Variants in ZGRF1 observed in about 807,000 individuals in gnomAD.
The protein encoded by ZGRF1 is 5'-3' DNA helicase ZGRF1.
ZGRF1 carries 196 observed loss-of-function variants against 203.5 expected under a neutral mutation model. The ratio of observed to expected loss-of-function variants is 0.96; its 90% CI spans 0.86 to 1.08. The LOEUF (loss-of-function observed/expected upper bound fraction) is 1.08, where lower values mean the gene tolerates loss of function less well. ZGRF1 is among the 50% of genes least tolerant of loss of function. The pLI is 0.00. For synonymous variants in ZGRF1, 809 were observed against 841.3 expected, an observed-to-expected ratio of 0.96 and a Z score of 0.66; for missense variants, 2,326 against 2,416.3, an observed-to-expected ratio of 0.96 and a Z score of 0.78.
At chr4:112,586,299 A>G in intron 13 of ZGRF1, 146 bp downstream of exon 13, 1 of 584,962 alleles carries the variant, frequency 1.7e-6, no homozygotes, top group South Asian at 3.6e-5. Context: ...ATCTGAAATT[A>G]GAATAAAAGT....
chr4:112,616,907 T>TA (rs2149149666), intron 6 of ZGRF1, among the ~76,000 whole-genome samples: 1 of 151,852 alleles, frequency 6.6e-6, no homozygotes, highest in East Asian at 1.9e-4. Context: ...GGATTGGAAT[T>TA]AGAGGTATCA....
intron 16 of ZGRF1, among the ~76,000 whole-genome samples, chr4:112,567,289 A>T (rs1000698422): frequency 6.6e-6 from 1 of 152,160 alleles, no homozygotes; most frequent in Non-Finnish European, 1.5e-5. Flanking sequence ...AGAAAAGCTC[A>T]TAACGCCAGG....
At chr4:112,594,759 T>C (rs1173128337) in intron 10 of ZGRF1, among the ~76,000 whole-genome samples, 1 of 152,048 alleles carries the variant, frequency 6.6e-6, no homozygotes, top group Non-Finnish European at 1.5e-5. Flanking sequence ...GGCCTAATTT[T>C]TCAAGTTTAT....
intron 16 of ZGRF1, among the ~76,000 whole-genome samples, chr4:112,572,396 T>A (rs571989907): frequency 1.6e-4 from 25 of 152,056 alleles, no homozygotes; most frequent in Non-Finnish European, 1.9e-4. Flanking sequence ...TATACAAAAT[T>A]CAACTAAACA....
At chr4:112,624,977 T>C (rs1263216387) in intron 3 of ZGRF1, among the ~76,000 whole-genome samples, 1 of 152,130 alleles carries the variant, frequency 6.6e-6, no homozygotes, top group Non-Finnish European at 1.5e-5. Context: ...TATGAATGGA[T>C]AAATAAAACA....
At position 112,558,134 on chromosome 4, in the gene ZGRF1, C is replaced by A; in HGVS notation, c.5120+16G>T. On this transcript the variant is annotated intron_variant, in intron 20 of 27. Coordinates refer to ENST00000505019, the MANE Select transcript of ZGRF1 (RefSeq NM_018392.5). ...TCCCAAAACATTAGCTACTTAAATG[C>A]ACTTGTCATGCCTACCCAAGAAGTA... 6.3e-7 allele frequency: 1 copy of A among 1,595,770 alleles called. No individual in the cohort carries two copies. The highest frequency in any genetic ancestry group is 8.5e-7 in the Non-Finnish European group (1 of 1,172,940).
At chr4:112,571,204 G>C (rs934002510) in intron 16 of ZGRF1, among the ~76,000 whole-genome samples, 3 of 150,998 alleles carry the variant, frequency 2.0e-5, no homozygotes. Context: ...TCAAGCTTAA[G>C]ATGTGTAAAA....
intron 4 of ZGRF1, among the ~76,000 whole-genome samples, chr4:112,621,980 G>C (rs1052128005): frequency 6.6e-6 from 1 of 150,906 alleles, no homozygotes; most frequent in Non-Finnish European, 1.5e-5. Context: ...CGCCTGCCTC[G>C]GCCTCCCAAA....
rs551942256 is a variant in ZGRF1 at position 112,578,520 on chromosome 4, G to A, written c.4438+3143C>T. ...AAAAGATCAACAAAATTGATAGACC[G>A]CTAGCAAGACTAATAAAGAAGAAAA... On this transcript the variant is annotated intron_variant, in intron 16 of 27. Coordinates refer to ENST00000505019, the MANE Select transcript of ZGRF1 (RefSeq NM_018392.5). Among the ~76,000 whole-genome samples the A allele has an allele frequency of 6.0e-4, 71 of 119,146 alleles. 12 individuals carry two copies. Among genetic ancestry groups the A allele is most frequent in the African/African-American group, 1.6e-3 (55 of 34,032 alleles). 78.2% of individuals were successfully genotyped at this position (119,146 alleles called of 152,430 possible). A position where few individuals can be genotyped will look rare whatever the true frequency, so the allele number is the denominator to read the frequency against.
chr4:112,549,322 TGTA>T (rs925730725), intron 22 of ZGRF1, among the ~76,000 whole-genome samples: 1 of 152,198 alleles, frequency 6.6e-6, no homozygotes, highest in Non-Finnish European at 1.5e-5. Flanking sequence ...TCTAATTAGA[TGTA>T]GTCACTGACC....
At chr4:112,571,483 T>C (rs1401065775) in intron 16 of ZGRF1, among the ~76,000 whole-genome samples, 1 of 152,166 alleles carries the variant, frequency 6.6e-6, no homozygotes, top group Non-Finnish European at 1.5e-5. Flanking sequence ...TTTGCAAAAC[T>C]TTATTATAAG....
At chr4:112,635,735 C>A (rs2047592239) in intron 1 of ZGRF1, among the ~76,000 whole-genome samples, 1 of 151,304 alleles carries the variant, frequency 6.6e-6, no homozygotes, top group Admixed American at 6.6e-5. Context: ...AGATACTTTA[C>A]ATACAGTATT....
intron 3 of ZGRF1, among the ~76,000 whole-genome samples, chr4:112,629,429 G>C (rs2047337279): frequency 6.6e-6 from 1 of 152,126 alleles, no homozygotes; most frequent in Admixed American, 6.6e-5. Flanking sequence ...CCAATACTTT[G>C]GGAGGCCAAG....
In ZGRF1 at chr4:112,618,084, G is replaced by C. The variant is rs756522228; in HGVS notation, c.1958C>G (p.Ala653Gly). The C allele has an allele frequency of 6.2e-7, 1 of 1,613,806 alleles. No individual in the cohort carries two copies. The highest frequency in any genetic ancestry group is 8.5e-7 in the Non-Finnish European group (1 of 1,179,870). The change falls in exon 6 of 28, where the codon GCT becomes GGT. Residue 653 changes from alanine to glycine, a missense_variant. By Grantham distance (60) the Ala-to-Gly change is moderately conservative. Transcript: ENST00000505019. ...ATCTTCTTTATTATCTCCGTATACA[G>C]CATCAGTCCACTTGAAAGATTCAAA... Reference protein sequence around the residue: ...SNFESFKWTDAVYGDNKEDAN... With the variant: ...SNFESFKWTDGVYGDNKEDAN...
At chr4:112,614,980 G>A (rs1289240786) in intron 6 of ZGRF1, among the ~76,000 whole-genome samples, 1 of 152,108 alleles carries the variant, frequency 6.6e-6, no homozygotes, top group African/African-American at 2.4e-5. Flanking sequence ...TAATGTTAAT[G>A]AATTAACAAT....
chr4:112,561,279 G>GT (rs1741928869), intron 18 of ZGRF1: 1 of 351,136 alleles, frequency 2.8e-6, no homozygotes, highest in Non-Finnish European at 5.3e-6. Context: ...GAAATAGTTA[G>GT]TTAATTATCC....
intron 8 of ZGRF1, chr4:112,607,670 T>C (rs539359568): frequency 6.6e-6 from 1 of 152,444 alleles, no homozygotes; most frequent in East Asian, 1.9e-4. Context: ...GGCACATGCC[T>C]ATCTATAATC....
rs1265552394 is a variant in ZGRF1 at position 112,578,962 on chromosome 4, C to A, written c.4438+2701G>T. Among the ~76,000 whole-genome samples, 2 of 122,610 alleles carry A rather than the reference C, an allele frequency of 1.6e-5. 1 individual carries two copies. 80.4% of individuals were successfully genotyped at this position (122,610 alleles called of 152,430 possible). A position where few individuals can be genotyped will look rare whatever the true frequency, so the allele number is the denominator to read the frequency against. ...CTGATACCAAAGCCTGGCAGAGACA[C>A]AACAAAAAAACAGAATTTTAGACCA... On this transcript the variant is annotated intron_variant, in intron 16 of 27. Transcript: ENST00000505019.
chr4:112,632,270 CAGG>C (rs1209721246), intron 2 of ZGRF1, among the ~76,000 whole-genome samples: 3 of 151,274 alleles, frequency 2.0e-5, no homozygotes, highest in Non-Finnish European at 4.4e-5. Flanking sequence ...GAGGAAATGG[CAGG>C]AGAAGGAAGA....
Sources: gnomAD v4.1 joint callset for allele counts (sites outside exome capture counted in the v4.1 genomes callset) on GRCh38, gnomAD v4.1.1 for gene constraint, MANE v1.5 for transcripts, NCBI Gene and HGNC (gene_info 2026-07-23, HGNC 2026-07-21) for gene names.